C5orf22: variants seen among roughly 807,000 people sequenced by gnomAD.
The protein encoded by C5orf22 is chromosome 5 open reading frame 22.
A neutral mutation model predicts 48.7 loss-of-function variants in C5orf22; 36 were observed. That is an observed-to-expected ratio of 0.74 (90% CI 0.57 to 0.98). C5orf22 has a LOEUF of 0.98. C5orf22 is among the 50% of genes least tolerant of loss of function. The pLI is 0.00. For synonymous variants in C5orf22, 141 were observed against 180.8 expected, an observed-to-expected ratio of 0.78 and a Z score of 1.76; for missense variants, 486 against 521.9, an observed-to-expected ratio of 0.93 and a Z score of 0.67.
At chr5:31,550,994 G>A (rs1326080583) in intron 7 of C5orf22, among the ~76,000 whole-genome samples, 5 of 152,248 alleles carry the variant, frequency 3.3e-5, no homozygotes, top group South Asian at 2.1e-4. Flanking sequence ...GCATATAGGC[G>A]AGTTCTACCA....
At chr5:31,541,105 AGTGTGTGTGTGTGTGTGT>A (rs35650579) in intron 5 of C5orf22, 94 bp downstream of exon 5, 35 of 677,108 alleles carry the variant, frequency 5.2e-5, no homozygotes, top group Admixed American at 8.0e-5. Flanking sequence ...GACTGCTCAA[AGTGTGTGTGTGTGTGTGT>A]GTGTGTGTGT....
At chr5:31,551,168 C>G in intron 7 of C5orf22, 125 bp from the exon 8 acceptor site, 1 of 918,692 alleles carries the variant, frequency 1.1e-6, no homozygotes, top group Non-Finnish European at 1.6e-6. Flanking sequence ...CACATGTACC[C>G]TGAAAATATG....
At chr5:31,545,491 A>G (rs888116331) in intron 6 of C5orf22, among the ~76,000 whole-genome samples, 155 bp from the exon 7 acceptor site, 16 of 152,224 alleles carry the variant, frequency 1.1e-4, no homozygotes. Flanking sequence ...TTATTTCTTA[A>G]TATTTTAAGA....
rs1479718581 is a variant in C5orf22 at position 31,554,563 on chromosome 5, T to C, written c.*1661T>C. On this transcript the variant is annotated 3_prime_UTR_variant, in exon 9 of 9. Coordinates refer to ENST00000325366, the MANE Select transcript of C5orf22 (RefSeq NM_018356.3). ...TGGTAAAATCAGAATTGTAGAATTG[T>C]GCTATTTTTAATTTTTAAAATTTTT... 6.6e-6 allele frequency: 1 copy of C among 152,228 alleles called. No individual in the cohort carries two copies. The highest frequency in any genetic ancestry group is 1.5e-5 in the Non-Finnish European group (1 of 68,032). The allele number at this position is 152,228 out of a possible 1,614,324, so 9.4% of individuals were successfully genotyped here. A position where few individuals can be genotyped will look rare whatever the true frequency, so the allele number is the denominator to read the frequency against.
chr5:31,553,252 T>C lies in C5orf22; in HGVS notation c.*350T>C, dbSNP rs1290764353. 1 of 204,238 alleles carries C rather than the reference T, an allele frequency of 4.9e-6. No individual in the cohort carries two copies. The highest frequency in any genetic ancestry group is 1.0e-5 in the Non-Finnish European group (1 of 100,336). The allele number at this position is 204,238 out of a possible 1,614,324, so 12.7% of individuals were successfully genotyped here. A position where few individuals can be genotyped will look rare whatever the true frequency, so the allele number is the denominator to read the frequency against. On this transcript the variant is annotated 3_prime_UTR_variant, in exon 9 of 9. Transcript: ENST00000325366. ...ATACTTCATTTATTCATTCAACTAA[T>C]ATTTGTTGAACACTTACATGTACCA...
intron 4 of C5orf22, 128 bp downstream of exon 4, chr5:31,538,817 T>C: frequency 1.5e-6 from 1 of 683,166 alleles, no homozygotes; most frequent in Non-Finnish European, 2.4e-6. Flanking sequence ...CATTCTCTAC[T>C]AATACCCTTT....
At chr5:31,547,926 C>T (rs563856533) in intron 7 of C5orf22, among the ~76,000 whole-genome samples, 3 of 152,188 alleles carry the variant, frequency 2.0e-5, no homozygotes, top group Non-Finnish European at 2.9e-5. Flanking sequence ...TTGAATTTCT[C>T]CTCAAAAAAT....
At chr5:31,541,489 A>C (rs1044369375) in intron 6 of C5orf22, 87 bp downstream of exon 6, 1 of 1,449,336 alleles carries the variant, frequency 6.9e-7, no homozygotes, top group Non-Finnish European at 9.5e-7. Context: ...CATTGCTTTT[A>C]AAAAAGTAGT....
chr5:31,545,689 A>G lies in C5orf22; in HGVS notation c.1036A>G (p.Met346Val). 6.2e-7 allele frequency: 1 copy of G among 1,609,596 alleles called. No homozygotes were observed. The highest frequency in any genetic ancestry group is 8.5e-7 in the Non-Finnish European group (1 of 1,176,776). The change falls in exon 7 of 9, where the codon ATG becomes GTG. Residue 346 changes from methionine (M) to valine (V), a missense_variant. Met to Val is a conservative substitution (Grantham distance 21). Around this residue, in one of 3 missense-constraint regions of C5orf22, gnomAD observed 408 missense variants for 444.0 expected, o/e 0.92. Coordinates refer to ENST00000325366, the MANE Select transcript of C5orf22 (RefSeq NM_018356.3). Reference protein sequence around the residue: ...VPLVQSLKKRMEVPDYEMVHQ... With the variant: ...VPLVQSLKKRVEVPDYEMVHQ... ...CCTTGTACAGAGTTTGAAAAAACGG[A>G]TGGAAGTACCAGACTATGAAATGGT...
At chr5:31,543,867 A>G (rs897825784) in intron 6 of C5orf22, among the ~76,000 whole-genome samples, 2 of 152,142 alleles carry the variant, frequency 1.3e-5, no homozygotes, top group Non-Finnish European at 2.9e-5. Flanking sequence ...TTAGCTCCTC[A>G]TCACCAGCAG....
At chr5:31,535,311 A>G (rs961441733) in intron 2 of C5orf22, among the ~76,000 whole-genome samples, 1 of 152,216 alleles carries the variant, frequency 6.6e-6, no homozygotes, top group Non-Finnish European at 1.5e-5. Flanking sequence ...GTAGCAGGAG[A>G]GCTTTCTGTG....
At position 31,535,797 on chromosome 5, in the gene C5orf22, CACAT is replaced by C; in HGVS notation, c.282_285del (p.His95Ter). ...CCTGCAGTTTATGCTGGCCATTTTT[CACAT>C]GTAATATGGTTTCATCCCACATGGG... On this transcript the variant is annotated frameshift_variant, in exon 3 of 9. Transcript: ENST00000325366. LOFTEE classifies it high-confidence loss of function. 1 of 1,612,078 alleles carries C rather than the reference CACAT, an allele frequency of 6.2e-7. No homozygotes were observed. The highest frequency in any genetic ancestry group is 8.5e-7 in the Non-Finnish European group (1 of 1,179,168).
chr5:31,540,416 G>A (rs1422115854), intron 4 of C5orf22, among the ~76,000 whole-genome samples: 1 of 152,148 alleles, frequency 6.6e-6, no homozygotes, highest in Non-Finnish European at 1.5e-5. Flanking sequence ...CCCCTTGTGT[G>A]GTGCCTCCTG....
At chr5:31,533,277 A>T (rs1482994150) in intron 1 of C5orf22, among the ~76,000 whole-genome samples, 2 of 152,016 alleles carry the variant, frequency 1.3e-5, no homozygotes, top group Admixed American at 1.3e-4. Context: ...AAAAAAAAAA[A>T]ATTTAACACG....
chr5:31,539,987 G>A (rs1742351382), intron 4 of C5orf22, among the ~76,000 whole-genome samples: 1 of 152,062 alleles, frequency 6.6e-6, no homozygotes, highest in African/African-American at 2.4e-5. Flanking sequence ...GGAGGTCAAG[G>A]CTGCAGTGAG....
Position 31,538,646 on chromosome 5 carries a change from AT to A in C5orf22, c.772del (p.Ser258GlnfsTer31), listed in dbSNP as rs751259551. 3.1e-6 allele frequency: 5 copies of A among 1,613,262 alleles called. No homozygotes were observed. The highest frequency in any genetic ancestry group is 2.2e-5 in the South Asian group (2 of 91,008). ...GCATTTGTTTTAGATATTGACTTGG[AT>A]TTTTTTTCAGTCAAGAATCCCTTCA... ...GKAFVLDIDL[D>X]FFSVKNPFKE... On this transcript the variant is annotated frameshift_variant, in exon 4 of 9. Coordinates refer to ENST00000325366, the MANE Select transcript of C5orf22 (RefSeq NM_018356.3). LOFTEE classifies it high-confidence loss of function.
At chr5:31,541,049 A>G in intron 5 of C5orf22, 38 bp downstream of exon 5, 1 of 1,475,590 alleles carries the variant, frequency 6.8e-7, no homozygotes, top group Non-Finnish European at 9.4e-7. Flanking sequence ...TTATTCATTT[A>G]TCATATAACT....
intron 7 of C5orf22, among the ~76,000 whole-genome samples, chr5:31,546,060 C>T (rs1435088582): frequency 6.6e-6 from 1 of 152,068 alleles, no homozygotes; most frequent in Admixed American, 6.5e-5. Context: ...ATTTATACTG[C>T]CTTCTGCCTT....
chr5:31,551,313 C>T lies in C5orf22; in HGVS notation c.1080C>T (p.Thr360=). 6.2e-7 allele frequency: 1 copy of T among 1,613,230 alleles called. No individual in the cohort carries two copies. The highest frequency in any genetic ancestry group is 8.5e-7 in the Non-Finnish European group (1 of 1,179,608). Residue 360 remains threonine, a synonymous_variant, in exon 8 of 9, where the codon ACC becomes ACT. Coordinates refer to ENST00000325366, the MANE Select transcript of C5orf22 (RefSeq NM_018356.3). ...TTCAGGTTCACCAGGCTGGTTTAACCTGCGATTATTCAGAACTTCCTCACC... is the reference window on the plus strand; with the variant it reads ...TTCAGGTTCACCAGGCTGGTTTAACTTGCGATTATTCAGAACTTCCTCACC... ...DYEMVHQAGL[T]CDYSELPHHI...
Sources: gnomAD v4.1 joint callset for allele counts (sites outside exome capture counted in the v4.1 genomes callset) on GRCh38, gnomAD v4.1.1 for gene constraint, gnomAD v4.1.1 regional missense constraint, MANE v1.5 for transcripts, NCBI Gene and HGNC (gene_info 2026-07-23, HGNC 2026-07-21) for gene names.